Variants in SLC43A3 observed in about 807,000 individuals in gnomAD.
SLC43A3 encodes the protein equilibrative nucleobase transporter 1.
In SLC43A3, 33 loss-of-function variants were observed where a neutral mutation model predicts 53.3. The observed-to-expected ratio is 0.62, with a 90% CI of 0.47 to 0.83. The LOEUF (loss-of-function observed/expected upper bound fraction) is 0.83. Among genes scored for constraint, SLC43A3 ranks in the 40% least tolerant of loss-of-function variants. The pLI is 0.00. For synonymous variants in SLC43A3, 236 were observed against 246.2 expected (o/e 0.96, Z 0.39); for missense variants, 530 against 610.0 (o/e 0.87, Z 1.38).
chr11:57,415,323 GTTC>G, intron 9 of SLC43A3: 1 of 1,516,858 alleles, frequency 6.6e-7, no homozygotes, highest in South Asian at 1.2e-5. Context: ...GACCCTCTGT[GTTC>G]TTCTCTATTG....
intron 9 of SLC43A3, chr11:57,415,487 T>G (rs1358634097): frequency 1.1e-5 from 11 of 1,037,998 alleles, no homozygotes; most frequent in Middle Eastern, 2.4e-4. Flanking sequence ...TGTTCTAACC[T>G]GCTCCTCAGC....
chr11:57,425,670 T>A lies in SLC43A3; in HGVS notation c.185A>T (p.Asp62Val), dbSNP rs759661882. Reference protein sequence around the residue: ...GPIGNATGQADCKAQDERFSL... With the variant: ...GPIGNATGQAVCKAQDERFSL... ...GAACCTCTCATCCTGGGCTTTGCAG[T>A]CTGGAGTAGAAAAAAGGTCTCCCAT... Residue 62 changes from aspartate (D) to valine (V), a missense_variant and splice_region_variant, in exon 4 of 14, where the codon GAC becomes GTC. Asp to Val is a radical substitution (Grantham distance 152, BLOSUM62 -3). Around this residue, in one of 3 missense-constraint regions of SLC43A3, gnomAD observed 376 missense variants for 386.7 expected, o/e 0.97. Coordinates refer to ENST00000395124, the MANE Select transcript of SLC43A3 (RefSeq NM_199329.3). 1.2e-6 allele frequency: 2 copies of A among 1,613,864 alleles called. No individual in the cohort carries two copies. The highest frequency in any genetic ancestry group is 4.5e-5 in the East Asian group (2 of 44,896).
At chr11:57,421,473 G>C (rs1942986034) in intron 5 of SLC43A3, 100 bp from the exon 6 acceptor site, 2 of 849,670 alleles carry the variant, frequency 2.4e-6, no homozygotes, top group African/African-American at 3.3e-5. Flanking sequence ...AACAATCCTG[G>C]TATCCAGGCC....
intron 7 of SLC43A3, among the ~76,000 whole-genome samples, chr11:57,418,338 T>TA (rs150075341): frequency 9.2e-4 from 113 of 122,624 alleles, no homozygotes; most frequent in Middle Eastern, 4.5e-3. Context: ...TGCCTCCAAA[T>TA]AAAAAAAAAA....
At chr11:57,409,802 A>C in intron 12 of SLC43A3, 133 bp downstream of exon 12, 2 of 791,864 alleles carry the variant, frequency 2.5e-6, no homozygotes, top group Non-Finnish European at 2.0e-6. Context: ...CACCCCCTCC[A>C]CACCTGCCCC....
At chr11:57,421,656 C>T (rs932894236) in intron 5 of SLC43A3, among the ~76,000 whole-genome samples, 1 of 152,128 alleles carries the variant, frequency 6.6e-6, no homozygotes, top group East Asian at 1.9e-4. Context: ...TAAGTGAAGC[C>T]ACCTCTCTCT....
intron 2 of SLC43A3, 92 bp downstream of exon 2, chr11:57,426,496 C>A: frequency 3.4e-6 from 1 of 294,138 alleles, no homozygotes; most frequent in Non-Finnish European, 6.5e-6. Flanking sequence ...TCCAATACAT[C>A]ATCTTAGGCA....
rs142052155 is a variant in SLC43A3 at position 57,421,257 on chromosome 11, G to A, written c.438+40C>T. 80 of 1,544,006 alleles carry A rather than the reference G, an allele frequency of 5.2e-5. No individual in the cohort carries two copies. The Middle Eastern group carries it at 1.4e-3, about 26-fold the overall frequency. On this transcript the variant is annotated intron_variant, in intron 6 of 13. Coordinates refer to ENST00000395124, the MANE Select transcript of SLC43A3 (RefSeq NM_199329.3). The stretch of plus-strand genomic sequence containing the variant: ...GGTCTCTCCTTCCCTCCACCTTCCC[G>A]CCACCCTGCCGAGTGCCTGGGATTA...
intron 10 of SLC43A3, 30 bp downstream of exon 10, chr11:57,414,903 G>A: frequency 6.2e-7 from 1 of 1,610,310 alleles, no homozygotes; most frequent in South Asian, 1.1e-5. Flanking sequence ...GGGACATGCA[G>A]ATGGGCTACC....
At chr11:57,425,703 A>G in intron 3 of SLC43A3, 33 bp from the exon 4 acceptor site, 1 of 1,612,408 alleles carries the variant, frequency 6.2e-7, no homozygotes. Context: ...CATGCATCCC[A>G]GCCTTCCTGC....
chr11:57,415,451 GGA>G, intron 9 of SLC43A3: 1 of 1,298,158 alleles, frequency 7.7e-7, no homozygotes, highest in Non-Finnish European at 1.0e-6. Context: ...AAGTCAGAAG[GGA>G]GAGGAGAATG....
upstream of SLC43A3, chr11:57,427,251 CT>C: frequency 6.5e-6 from 1 of 152,868 alleles, no homozygotes; most frequent in Non-Finnish European, 1.5e-5. Flanking sequence ...CTCCCGCGCC[CT>C]TTTTACCTCT....
chr11:57,408,043 TG>T (rs1177696947), intron 13 of SLC43A3, 147 bp from the exon 14 acceptor site: 9 of 601,268 alleles, frequency 1.5e-5, no homozygotes, highest in Non-Finnish European at 2.4e-5. Context: ...CCAGACACTA[TG>T]GTGCCCTGGA....
Position 57,425,668 on chromosome 11 carries a change from A to T in SLC43A3, c.187T>A (p.Cys63Ser). 1 of 1,614,062 alleles carries T rather than the reference A, an allele frequency of 6.2e-7. No individual in the cohort carries two copies. Among genetic ancestry groups the T allele is most frequent in the Non-Finnish European group, 8.5e-7 (1 of 1,179,998 alleles). Residue 63 changes from cysteine (C) to serine (S), a missense_variant and splice_region_variant, in exon 4 of 14, where the codon TGC (cysteine) becomes AGC (serine). This residue lies in a region of SLC43A3 where 376 missense variants were observed against 386.7 expected (regional missense o/e 0.97). Coordinates refer to ENST00000395124, the MANE Select transcript of SLC43A3 (RefSeq NM_199329.3). ...PIGNATGQAD[C>S]KAQDERFSLI... Reference sequence around the variant, plus strand: ...GAGAACCTCTCATCCTGGGCTTTGCAGTCTGGAGTAGAAAAAAGGTCTCCC... The same window carrying T: ...GAGAACCTCTCATCCTGGGCTTTGCTGTCTGGAGTAGAAAAAAGGTCTCCC...
At chr11:57,415,356 C>G in intron 9 of SLC43A3, 1 of 1,481,946 alleles carries the variant, frequency 6.7e-7, no homozygotes, top group Non-Finnish European at 9.0e-7. Context: ...CTGTCTCTCA[C>G]AGCCTGGTCA....
At position 57,409,165 on chromosome 11, in the gene SLC43A3, CAGTACT is replaced by C; in HGVS notation, c.1371+4_1371+9del. On this transcript the variant is annotated splice_donor_5th_base_variant and intron_variant, in intron 13 of 13. Transcript: ENST00000395124. ...CTCCTGCCAGGGATCCCCATCCTCC[CAGTACT>C]CACGTAAAATGGGTCATTCTGAAGG... 6.2e-7 allele frequency: 1 copy of C among 1,614,182 alleles called. No homozygotes were observed. The highest frequency in any genetic ancestry group is 8.5e-7 in the Non-Finnish European group (1 of 1,180,008).
Position 57,426,384 on chromosome 11 carries a change from G to A in SLC43A3, c.-180-32C>T, listed in dbSNP as rs1457275039. 4 of 572,002 alleles carry A rather than the reference G, an allele frequency of 7.0e-6. No homozygotes were observed. The African/African-American group carries it at 7.5e-5, about 11-fold the overall frequency. 35.4% of individuals were successfully genotyped at this position (572,002 alleles called of 1,614,324 possible). A position where few individuals can be genotyped will look rare whatever the true frequency, so the allele number is the denominator to read the frequency against. On this transcript the variant is annotated intron_variant, in intron 2 of 13. Coordinates refer to ENST00000395124, the MANE Select transcript of SLC43A3 (RefSeq NM_199329.3). ...AATAAAGATAGAGGCTGCTGGAAGA[G>A]GAGGCCTGCGGGAAAGGGAAAGGTA...
intron 4 of SLC43A3, among the ~76,000 whole-genome samples, 184 bp downstream of exon 4, chr11:57,425,357 G>A (rs1483935210): frequency 2.0e-5 from 3 of 152,236 alleles, no homozygotes; most frequent in African/African-American, 7.2e-5. Flanking sequence ...CTGTGGTGAA[G>A]TGGGCAAGTC....
chr11:57,426,015 G>A lies in SLC43A3; in HGVS notation c.158C>T (p.Pro53Leu), dbSNP rs34799622. The A allele has an allele frequency of 8.8e-4, 1,414 of 1,614,196 alleles. 14 individuals are homozygous for A. The African/African-American group carries it at 0.017, about 19-fold the overall frequency. The change falls in exon 3 of 14, where the codon CCG (proline) becomes CTG (leucine). Residue 53 changes from proline to leucine, a missense_variant. By Grantham distance (98) the Pro-to-Leu change is moderately conservative. Transcript: ENST00000395124. ...AGCCTGCCCTGTGGCATTGCCAATC[G>A]GCCCAGCATCTGGTCCACACAGATC... The part of the protein sequence containing the change: ...FKDLCGPDAG[P>L]IGNATGQADC...
Sources: gnomAD v4.1 joint callset for allele counts (sites outside exome capture counted in the v4.1 genomes callset) on GRCh38, gnomAD v4.1.1 for gene constraint, gnomAD v4.1.1 regional missense constraint, MANE v1.5 for transcripts, NCBI Gene and HGNC (gene_info 2026-07-23, HGNC 2026-07-21) for gene names.